ARMH4: variants seen among roughly 807,000 people sequenced by gnomAD.
The protein encoded by ARMH4 is armadillo like helical domain containing 4, also known as armadillo-like helical domain-containing protein 4.
In ARMH4, 49 loss-of-function variants were observed where a neutral mutation model predicts 61.9. The observed-to-expected ratio is 0.79, with a 90% confidence interval of 0.63 to 1.00. The LOEUF (loss-of-function observed/expected upper bound fraction) is 1.00. Ranked by LOEUF, ARMH4 falls within the 50% of genes least tolerant of loss-of-function variation. The pLI is 0.00. For missense variants in ARMH4, 934 were observed against 930.0 expected, an observed-to-expected ratio of 1.00 and a Z score of -0.06; for synonymous variants, 368 against 341.5, an observed-to-expected ratio of 1.08 and a Z score of -0.85.
intron 5 of ARMH4, among the ~76,000 whole-genome samples, chr14:58,072,214 T>G (rs546502062): frequency 2.6e-5 from 4 of 152,300 alleles, no homozygotes; most frequent in African/African-American, 9.6e-5. Context: ...TAGGAAGTAT[T>G]CGTTGAATGA....
At chr14:58,118,110 T>C (rs1036494300) in intron 4 of ARMH4, among the ~76,000 whole-genome samples, 4 of 152,126 alleles carry the variant, frequency 2.6e-5, no homozygotes, top group East Asian at 1.9e-4. Flanking sequence ...TAGAGGAGAA[T>C]AAGTTTGAGC....
chr14:58,141,850 A>G (rs1298359473), intron 1 of ARMH4, among the ~76,000 whole-genome samples: 1 of 152,246 alleles, frequency 6.6e-6, no homozygotes, highest in African/African-American at 2.4e-5. Flanking sequence ...CATGTTTCAA[A>G]ATTTAAGGAT....
chr14:58,126,943 T>G (rs374642547), intron 4 of ARMH4, among the ~76,000 whole-genome samples: 1 of 151,692 alleles, frequency 6.6e-6, no homozygotes, highest in South Asian at 2.1e-4. Flanking sequence ...GCTGGGATTA[T>G]AGGTGTGTGC....
At chr14:58,120,276 T>C (rs1886681272) in intron 4 of ARMH4, among the ~76,000 whole-genome samples, 2 of 152,058 alleles carry the variant, frequency 1.3e-5, no homozygotes, top group African/African-American at 4.8e-5. Flanking sequence ...ATGAGGTGTG[T>C]TGTTGACCAA....
In ARMH4 at chr14:58,131,620, G is replaced by A; in HGVS notation, c.1723C>T (p.Pro575Ser). The A allele has an allele frequency of 6.2e-7, 1 of 1,614,146 alleles. No homozygotes were observed. Among genetic ancestry groups the A allele is most frequent in the South Asian group, 1.1e-5 (1 of 91,082 alleles). ...GIMVGEPSIS[P>S]ALPALEASSE... The stretch of plus-strand genomic sequence containing the variant: ...GATGCCTCCAAAGCAGGAAGTGCAG[G>A]GGAAATGCTGGGTTCCCCCACCATT... Residue 575 changes from proline to serine, a missense_variant, in exon 4 of 8, where the codon CCT (proline) becomes TCT (serine). By Grantham distance (74) the Pro-to-Ser change is moderately conservative. Transcript: ENST00000267485.
At chr14:58,147,567 C>G (rs909043675) in intron 1 of ARMH4, among the ~76,000 whole-genome samples, 4 of 152,246 alleles carry the variant, frequency 2.6e-5, no homozygotes, top group African/African-American at 9.6e-5. Flanking sequence ...CCCACCTCAG[C>G]CTCCCAAATT....
At chr14:58,088,434 AC>A (rs1885449451) in intron 5 of ARMH4, among the ~76,000 whole-genome samples, 1 of 150,652 alleles carries the variant, frequency 6.6e-6, no homozygotes, top group Non-Finnish European at 1.5e-5. Flanking sequence ...AAACTCTAGC[AC>A]CAGGGTGTCT....
intron 5 of ARMH4, among the ~76,000 whole-genome samples, chr14:58,077,699 G>A (rs1885091538): frequency 6.6e-6 from 1 of 152,140 alleles, no homozygotes; most frequent in Non-Finnish European, 1.5e-5. Flanking sequence ...TTACAAATAG[G>A]AAAACTGAAG....
chr14:58,138,722 T>C lies in ARMH4; in HGVS notation c.637A>G (p.Lys213Glu), dbSNP rs544597786. 3 of 1,614,168 alleles carry C rather than the reference T, an allele frequency of 1.9e-6. No individual in the cohort carries two copies. The highest frequency in any genetic ancestry group is 2.2e-5 in the East Asian group (1 of 44,878). Residue 213 changes from lysine to glutamate, a missense_variant, in exon 2 of 8, where the codon AAG becomes GAG. Coordinates refer to ENST00000267485, the MANE Select transcript of ARMH4 (RefSeq NM_001001872.4). Reference sequence around the variant, plus strand: ...TTTGGATTGGTGGTTAGCATTTCCTTAGTATTCACATAGGATGAAGGTGAA... The same window carrying C: ...TTTGGATTGGTGGTTAGCATTTCCTCAGTATTCACATAGGATGAAGGTGAA... ...GHSPSSYVNT[K>E]EMLTTNPKTE...
At chr14:58,101,438 CAGGAA>C (rs999840495) in intron 4 of ARMH4, 1 of 152,176 alleles carries the variant, frequency 6.6e-6, no homozygotes, top group African/African-American at 2.4e-5. Context: ...AAGTGATGAG[CAGGAA>C]AGCAACAGCA....
intron 5 of ARMH4, among the ~76,000 whole-genome samples, chr14:58,073,954 G>C (rs1169271647): frequency 6.6e-6 from 1 of 151,764 alleles, no homozygotes; most frequent in Non-Finnish European, 1.5e-5. Context: ...CTACAAAAAG[G>C]CCATACAAAT....
intron 5 of ARMH4, among the ~76,000 whole-genome samples, chr14:58,086,925 A>G (rs1885403739): frequency 6.6e-6 from 1 of 152,200 alleles, no homozygotes; most frequent in Admixed American, 6.5e-5. Flanking sequence ...AAAAGTCGGT[A>G]GGGAATGTTT....
intron 5 of ARMH4, among the ~76,000 whole-genome samples, chr14:58,063,049 G>A (rs1290761863): frequency 1.3e-5 from 2 of 152,188 alleles, no homozygotes; most frequent in Non-Finnish European, 2.9e-5. Flanking sequence ...TACTGGCAGG[G>A]CCATGATCCC....
At position 58,016,419 on chromosome 14, in the gene ARMH4, G is replaced by T. The variant is rs564653466; in HGVS notation, c.2090-4269C>A. On this transcript the variant is annotated intron_variant, in intron 5 of 7. Coordinates refer to ENST00000267485, the MANE Select transcript of ARMH4 (RefSeq NM_001001872.4). ...ATAAAAAATATTACGTGTAAAATTT[G>T]AACAATGCACATCAAAATGTTAACT... is the stretch of plus-strand genomic sequence containing the variant. Among the ~76,000 whole-genome samples the T allele has an allele frequency of 3.3e-4, 50 of 152,176 alleles. 2 individuals are homozygous for T. In the South Asian group the frequency reaches 9.1e-3, roughly 28 times the overall value.
At chr14:58,146,752 G>A (rs1361384420) in intron 1 of ARMH4, among the ~76,000 whole-genome samples, 3 of 152,032 alleles carry the variant, frequency 2.0e-5, no homozygotes, top group Non-Finnish European at 2.9e-5. Flanking sequence ...GTAAGCACTT[G>A]GTCAATATTT....
At chr14:58,148,075 A>C (rs1212139078) in intron 1 of ARMH4, among the ~76,000 whole-genome samples, 1 of 152,114 alleles carries the variant, frequency 6.6e-6, no homozygotes, top group African/African-American at 2.4e-5. Flanking sequence ...TTCGAGATGG[A>C]GTCTCGCTCT....
chr14:58,126,946 G>C (rs1339502732), intron 4 of ARMH4, among the ~76,000 whole-genome samples: 6 of 151,844 alleles, frequency 4.0e-5, no homozygotes, highest in Non-Finnish European at 8.8e-5. Flanking sequence ...GGGATTATAG[G>C]TGTGTGCTAC....
chr14:58,028,018 T>A (rs74688692), intron 5 of ARMH4, among the ~76,000 whole-genome samples: 1,731 of 152,276 alleles, frequency 0.011, 32 homozygotes, highest in East Asian at 0.081. Flanking sequence ...CTCTTTCCCC[T>A]TTTTTAATCC....
chr14:58,074,615 C>T (rs1158554879), intron 5 of ARMH4, among the ~76,000 whole-genome samples: 1 of 151,986 alleles, frequency 6.6e-6, no homozygotes, highest in Non-Finnish European at 1.5e-5. Flanking sequence ...ACCAATATGA[C>T]ATCACAGAAT....
Sources: allele counts gnomAD v4.1 joint callset (sites outside exome capture counted in the v4.1 genomes callset), GRCh38; gene constraint gnomAD v4.1.1; transcripts MANE v1.5; gene names NCBI Gene and HGNC (gene_info 2026-07-23, HGNC 2026-07-21).